OR52E4: variants seen among roughly 807,000 people sequenced by gnomAD.
The protein encoded by OR52E4 is olfactory receptor family 52 subfamily E member 4, also known as olfactory receptor 52E4.
For missense variants in OR52E4, 444 were observed against 383.8 expected (o/e 1.16, Z -1.31); for synonymous variants, 169 against 137.4 (o/e 1.23, Z -1.61).
In OR52E4 at chr11:5,884,571, G is replaced by C. The variant is rs769888166; in HGVS notation, c.279G>C (p.Glu93Asp). The change falls in exon 2 of 2, where the codon GAG (glutamate) becomes GAC (aspartate). Residue 93 changes from glutamate to aspartate, a missense_variant. Transcript: ENST00000641726. ...GAATCTTCTGGTTCAACCTCCAAGAGATCAGCTTTGGGGGATGCCTTCTTC... is the reference window on the plus strand; with the variant it reads ...GAATCTTCTGGTTCAACCTCCAAGACATCAGCTTTGGGGGATGCCTTCTTC... ...MLGIFWFNLQ[E>D]ISFGGCLLQM... The C allele has an allele frequency of 8.1e-6, 13 of 1,613,336 alleles. No individual in the cohort carries two copies. In the East Asian group the frequency reaches 2.7e-4, roughly 33 times the overall value.
At position 5,880,696 on chromosome 11, in the gene OR52E4, G is replaced by A. The variant is rs563925130; in HGVS notation, c.-93G>A. On this transcript the variant is annotated 5_prime_UTR_variant, in exon 1 of 2. Transcript: ENST00000641726. ...CAATTCTGCTCCAAGTGAGGGCTGG[G>A]AGAAGAAATATTACAGAGGTAAGAA... 3 of 152,310 alleles carry A rather than the reference G, an allele frequency of 2.0e-5. No individual in the cohort carries two copies. The highest frequency in any genetic ancestry group is 2.1e-4 in the South Asian group (1 of 4,824). The allele number at this position is 152,310 out of a possible 1,614,324, so 9.4% of individuals were successfully genotyped here.
chr11:5,881,929 G>A (rs1207782310), intron 1 of OR52E4, among the ~76,000 whole-genome samples: 1 of 152,000 alleles, frequency 6.6e-6, no homozygotes, highest in Non-Finnish European at 1.5e-5. Flanking sequence ...AAGGTCCACA[G>A]AAGACTTCTG....
chr11:5,882,206 G>A (rs1231288136), intron 1 of OR52E4, among the ~76,000 whole-genome samples: 3 of 152,068 alleles, frequency 2.0e-5, no homozygotes, highest in Non-Finnish European at 4.4e-5. Flanking sequence ...ACAGAAAGAA[G>A]GCAAGAATTC....
In OR52E4 at chr11:5,884,998, C is replaced by G. The variant is rs1246092619; in HGVS notation, c.706C>G (p.Leu236Val). 1 of 1,613,056 alleles carries G rather than the reference C, an allele frequency of 6.2e-7. No individual in the cohort carries two copies. Among genetic ancestry groups the G allele is most frequent in the African/African-American group, 1.3e-5 (1 of 74,844 alleles). ...VFRLPSQDVRLKAFNTCGSHV... is the reference protein window; with the variant it reads ...VFRLPSQDVRVKAFNTCGSHV... ...TCGCCTTCCCTCTCAAGATGTCCGA[C>G]TAAAGGCCTTCAATACCTGTGGTTC... Residue 236 changes from leucine (L) to valine (V), a missense_variant, in exon 2 of 2, where the codon CTA (leucine) becomes GTA (valine). By Grantham distance (32) the Leu-to-Val change is conservative. Coordinates refer to ENST00000641726, the MANE Select transcript of OR52E4 (RefSeq NM_001005165.2).
chr11:5,882,865 G>C (rs1404444222), intron 1 of OR52E4, among the ~76,000 whole-genome samples: 1 of 151,962 alleles, frequency 6.6e-6, no homozygotes, highest in African/African-American at 2.4e-5. Context: ...ATTACCCCTG[G>C]TTCTCAACTC....
chr11:5,884,879 T>C lies in OR52E4; in HGVS notation c.587T>C (p.Ile196Thr). The change falls in exon 2 of 2, where the codon ATC becomes ACC. Residue 196 changes from isoleucine (I) to threonine (T), a missense_variant. By Grantham distance (89) the Ile-to-Thr change is moderately conservative (BLOSUM62 -1). Transcript: ENST00000641726. ...LAGLACAPIK[I>T]NIIYGLMVIS... is the part of the protein sequence containing the mutation. ...GGGTTGGCCTGTGCACCCATTAAGA[T>C]CAACATAATCTATGGGCTCATGGTG... The C allele has an allele frequency of 6.2e-7, 1 of 1,613,260 alleles. No individual in the cohort carries two copies.
intron 1 of OR52E4, among the ~76,000 whole-genome samples, chr11:5,881,709 GTAAGTA>G (rs1280768684): frequency 6.6e-6 from 1 of 152,006 alleles, no homozygotes; most frequent in Non-Finnish European, 1.5e-5. Flanking sequence ...AATAAAATAA[GTAAGTA>G]TAATTTGTTG....
rs1372881598 is a variant in OR52E4, at chr11:5,885,816, T to C, written c.*585T>C. On this transcript the variant is annotated 3_prime_UTR_variant, in exon 2 of 2. Transcript: ENST00000641726. ...GTGATGGTTAATACTGAGTGTCAAC[T>C]TTATTTGACTGAAGGATACAAAGTA... 1 of 152,076 alleles carries C rather than the reference T, an allele frequency of 6.6e-6. No individual in the cohort carries two copies. The allele number at this position is 152,076 out of a possible 1,614,324, so 9.4% of individuals were successfully genotyped here. A position where few individuals can be genotyped will look rare whatever the true frequency, so the allele number is the denominator to read the frequency against.
chr11:5,884,962 A>C lies in OR52E4; in HGVS notation c.670A>C (p.Arg224=), dbSNP rs1453435. The change falls in exon 2 of 2, where the codon AGA becomes CGA. Residue 224 remains arginine, a synonymous_variant. Coordinates refer to ENST00000641726, the MANE Select transcript of OR52E4 (RefSeq NM_001005165.2). ...LIASSYVLIL[R]AVFRLPSQDV... ...TGCCTCTTCCTATGTGCTTATCCTT[A>C]GAGCTGTTTTTCGCCTTCCCTCTCA... The C allele has an allele frequency of 0.79, 1,276,592 of 1,609,226 alleles. 507,714 individuals carry two copies. The highest frequency in any genetic ancestry group is 0.88 in the African/African-American group (65,866 of 74,862).
intron 1 of OR52E4, among the ~76,000 whole-genome samples, chr11:5,883,532 ATAT>A (rs1846992352): frequency 6.6e-6 from 1 of 151,804 alleles, no homozygotes; most frequent in Non-Finnish European, 1.5e-5. Flanking sequence ...CATAATATTT[ATAT>A]TATTAGACAT....
intron 1 of OR52E4, among the ~76,000 whole-genome samples, chr11:5,882,211 G>C (rs1307767329): frequency 6.6e-6 from 1 of 152,078 alleles, no homozygotes; most frequent in Non-Finnish European, 1.5e-5. Flanking sequence ...AAGAAGGCAA[G>C]AATTCAGGTA....
rs1847017086 is a variant in OR52E4 at position 5,884,875 on chromosome 11, A to G, written c.583A>G (p.Lys195Glu). 3 of 1,613,196 alleles carry G rather than the reference A, an allele frequency of 1.9e-6. No homozygotes were observed. The highest frequency in any genetic ancestry group is 2.5e-6 in the Non-Finnish European group (3 of 1,179,414). Reference sequence around the variant, plus strand: ...GGCCGGGTTGGCCTGTGCACCCATTAAGATCAACATAATCTATGGGCTCAT... The same window carrying G: ...GGCCGGGTTGGCCTGTGCACCCATTGAGATCAACATAATCTATGGGCTCAT... ...GLAGLACAPI[K>E]INIIYGLMVI... The change falls in exon 2 of 2, where the codon AAG (lysine) becomes GAG (glutamate). Residue 195 changes from lysine (K) to glutamate (E), a missense_variant. Coordinates refer to ENST00000641726, the MANE Select transcript of OR52E4 (RefSeq NM_001005165.2).
In OR52E4 at chr11:5,886,760, T is replaced by G. The variant is rs1564992810; in HGVS notation, c.*1529T>G. ...TATAATTTAGAACCACTGTGTAGTT[T>G]GTATGACAATATACAAAATACTCAA... On this transcript the variant is annotated 3_prime_UTR_variant, in exon 2 of 2. Coordinates refer to ENST00000641726, the MANE Select transcript of OR52E4 (RefSeq NM_001005165.2). The G allele has an allele frequency of 6.6e-6, 1 of 152,064 alleles. No individual in the cohort carries two copies. 9.4% of individuals were successfully genotyped at this position (152,064 alleles called of 1,614,324 possible). A position where few individuals can be genotyped will look rare whatever the true frequency, so the allele number is the denominator to read the frequency against.
intron 1 of OR52E4, among the ~76,000 whole-genome samples, 159 bp downstream of exon 1, chr11:5,880,873 T>TGGAACGGACATCCATA (rs71056718): frequency 2.0e-5 from 3 of 151,858 alleles, no homozygotes; most frequent in Admixed American, 6.6e-5. Context: ...CACATGGGAT[T>TGGAACGGACATCCATA]GGTGAGGGCA....
In OR52E4 at chr11:5,884,998, C is replaced by A. The variant is rs1246092619; in HGVS notation, c.706C>A (p.Leu236Ile). 1.2e-6 allele frequency: 2 copies of A among 1,613,174 alleles called. No homozygotes were observed. Among genetic ancestry groups the A allele is most frequent in the East Asian group, 4.5e-5 (2 of 44,838 alleles). The change falls in exon 2 of 2, where the codon CTA becomes ATA. Residue 236 changes from leucine (L) to isoleucine (I), a missense_variant. Transcript: ENST00000641726. Reference protein sequence around the residue: ...VFRLPSQDVRLKAFNTCGSHV... With the variant: ...VFRLPSQDVRIKAFNTCGSHV... The stretch of plus-strand genomic sequence containing the variant: ...TCGCCTTCCCTCTCAAGATGTCCGA[C>A]TAAAGGCCTTCAATACCTGTGGTTC...
chr11:5,882,726 C>CTCTG (rs1207020250), intron 1 of OR52E4, among the ~76,000 whole-genome samples: 1 of 151,710 alleles, frequency 6.6e-6, no homozygotes, highest in Non-Finnish European at 1.5e-5. Context: ...CTCTCTCACT[C>CTCTG]TCTGTCTCTG....
rs1847016033 is a variant in OR52E4, at chr11:5,884,841, C to T, written c.549C>T (p.His183=). ...HNIVPHTYCE[H]RGLAGLACAP... ...TCGTACCTCACACATACTGTGAGCA[C>T]AGGGGTCTGGCCGGGTTGGCCTGTG... Residue 183 remains histidine (H), a synonymous_variant, in exon 2 of 2, where the codon CAC becomes CAT. Coordinates refer to ENST00000641726, the MANE Select transcript of OR52E4 (RefSeq NM_001005165.2). 2 of 1,613,358 alleles carry T rather than the reference C, an allele frequency of 1.2e-6. No individual in the cohort carries two copies. The highest frequency in any genetic ancestry group is 3.3e-5 in the Admixed American group (2 of 59,876).
chr11:5,884,929 A>G lies in OR52E4; in HGVS notation c.637A>G (p.Ile213Val). ...MVISYIIVDV[I>V]LIASSYVLIL... ...GATTTCTTATATTATTGTGGATGTG[A>G]TCTTAATTGCCTCTTCCTATGTGCT... Residue 213 changes from isoleucine to valine, a missense_variant, in exon 2 of 2, where the codon ATC becomes GTC. Ile to Val is a conservative substitution (Grantham distance 29, BLOSUM62 3). Coordinates refer to ENST00000641726, the MANE Select transcript of OR52E4 (RefSeq NM_001005165.2). 6.2e-7 allele frequency: 1 copy of G among 1,612,980 alleles called. No homozygotes were observed. Among genetic ancestry groups the G allele is most frequent in the Non-Finnish European group, 8.5e-7 (1 of 1,179,212 alleles).
chr11:5,884,091 G>A (rs1220250270), intron 1 of OR52E4, 128 bp from the exon 2 acceptor site: 2 of 530,770 alleles, frequency 3.8e-6, no homozygotes, highest in Non-Finnish European at 3.3e-6. Flanking sequence ...ATGGATCTCA[G>A]AACAATAATC....
Sources: allele counts gnomAD v4.1 joint callset (sites outside exome capture counted in the v4.1 genomes callset), GRCh38; gene constraint gnomAD v4.1.1; transcripts MANE v1.5; gene names NCBI Gene and HGNC (gene_info 2026-07-23, HGNC 2026-07-21).